CTNNA3: variants seen among roughly 807,000 people sequenced by gnomAD.
CTNNA3 encodes the protein catenin alpha 3, also known as catenin alpha-3.
A neutral mutation model predicts 95.7 loss-of-function variants in CTNNA3; 76 were observed. That is an observed-to-expected ratio of 0.79 (90% CI 0.66 to 0.96). The LOEUF (loss-of-function observed/expected upper bound fraction) is 0.96, where lower values mean the gene tolerates loss of function less well. CTNNA3 is among the 40% of genes least tolerant of loss of function. CTNNA3 has a pLI of 0.00. For synonymous variants in CTNNA3, 431 were observed against 374.4 expected (o/e 1.15, Z -1.74); for missense variants, 1,191 against 1,089.8 (o/e 1.09, Z -1.31).
chr10:66,992,438 T>A (rs963499605), intron 7 of CTNNA3, among the ~76,000 whole-genome samples: 2 of 152,072 alleles, frequency 1.3e-5, no homozygotes, highest in African/African-American at 4.8e-5. Flanking sequence ...CTTCTTCTTG[T>A]TCCTAGGAGT....
At chr10:67,086,886 T>C (rs1857342700) in intron 7 of CTNNA3, among the ~76,000 whole-genome samples, 1 of 152,014 alleles carries the variant, frequency 6.6e-6, no homozygotes, top group Admixed American at 6.6e-5. Context: ...ACCAAAAACA[T>C]TAACTGATGT....
At chr10:66,230,302 T>G (rs2089523590) in intron 13 of CTNNA3, among the ~76,000 whole-genome samples, 1 of 152,228 alleles carries the variant, frequency 6.6e-6, no homozygotes, top group African/African-American at 2.4e-5. Flanking sequence ...TTTAAGATCT[T>G]GTAGGACAGT....
At chr10:66,702,454 T>C (rs1324868017) in intron 9 of CTNNA3, among the ~76,000 whole-genome samples, 1 of 152,042 alleles carries the variant, frequency 6.6e-6, no homozygotes, top group Non-Finnish European at 1.5e-5. Flanking sequence ...AAGTCTCCCT[T>C]TGGGATTACA....
chr10:67,199,729 C>G lies in CTNNA3; in HGVS notation c.844-19209G>C, dbSNP rs191907761. ...CTTTACAATATTCACATAGCTTTGG[C>G]AAATGGGATGCAAAACAACATTCAG... is the stretch of plus-strand genomic sequence containing the variant. On this transcript the variant is annotated intron_variant, in intron 6 of 17. Transcript: ENST00000433211. 6.7e-4 allele frequency among the ~76,000 whole-genome samples: 102 copies of G among 152,120 alleles called. No homozygotes were observed. The East Asian group carries it at 0.013, about 19-fold the overall frequency.
intron 9 of CTNNA3, among the ~76,000 whole-genome samples, chr10:66,751,445 G>T (rs182061145): frequency 9.3e-4 from 142 of 152,236 alleles, no homozygotes; most frequent in Admixed American, 3.8e-3. Flanking sequence ...TACAAACGAA[G>T]ACAGTTTTAT....
chr10:66,305,570 A>C (rs765922324), intron 12 of CTNNA3, among the ~76,000 whole-genome samples: 2 of 152,222 alleles, frequency 1.3e-5, no homozygotes, highest in Non-Finnish European at 2.9e-5. Flanking sequence ...ATATGATTTT[A>C]AATTCTGATG....
chr10:67,704,851 T>C (rs1220297938), intron 1 of CTNNA3, among the ~76,000 whole-genome samples: 1 of 151,950 alleles, frequency 6.6e-6, no homozygotes, highest in Non-Finnish European at 1.5e-5. Flanking sequence ...ACCTACAAAA[T>C]GGGAGAAAAT....
chr10:67,379,902 T>G (rs1290256867), intron 5 of CTNNA3, among the ~76,000 whole-genome samples: 2 of 149,894 alleles, frequency 1.3e-5, no homozygotes, highest in Non-Finnish European at 3.0e-5. Context: ...GCGCCTGTAG[T>G]CCCAGCTACT....
At chr10:66,322,069 C>T (rs1452885771) in intron 12 of CTNNA3, among the ~76,000 whole-genome samples, 1 of 151,990 alleles carries the variant, frequency 6.6e-6, no homozygotes, top group Non-Finnish European at 1.5e-5. Flanking sequence ...TAGATAGGGC[C>T]CAGAACACAC....
intron 7 of CTNNA3, among the ~76,000 whole-genome samples, chr10:67,125,376 A>G (rs1452395510): frequency 6.6e-6 from 1 of 152,170 alleles, no homozygotes; most frequent in Non-Finnish European, 1.5e-5. Context: ...AAAATACGTT[A>G]TTCCCCCAAA....
intron 7 of CTNNA3, among the ~76,000 whole-genome samples, chr10:67,041,083 G>A (rs1483284538): frequency 6.6e-6 from 1 of 152,108 alleles, no homozygotes; most frequent in African/African-American, 2.4e-5. Context: ...AATAAGATTA[G>A]TGTTATTTGG....
At chr10:66,270,306 G>A (rs2091252607) in intron 13 of CTNNA3, among the ~76,000 whole-genome samples, 1 of 151,908 alleles carries the variant, frequency 6.6e-6, no homozygotes, top group Admixed American at 6.6e-5. Context: ...CCAGGGTCAA[G>A]CCATCCTCCT....
intron 7 of CTNNA3, among the ~76,000 whole-genome samples, chr10:66,823,389 TA>T (rs72085518): frequency 0.062 from 9,463 of 151,996 alleles, 382 homozygotes; most frequent in African/African-American, 0.12. Flanking sequence ...TTATGTGAAT[TA>T]AAAAAAAATT....
At chr10:66,262,706 C>T (rs993350279) in intron 13 of CTNNA3, among the ~76,000 whole-genome samples, 1 of 151,780 alleles carries the variant, frequency 6.6e-6, no homozygotes, top group Non-Finnish European at 1.5e-5. Context: ...AAAATCTGAG[C>T]TAGAGGGGTA....
At chr10:66,905,425 C>T (rs1246803474) in intron 7 of CTNNA3, among the ~76,000 whole-genome samples, 5 of 152,024 alleles carry the variant, frequency 3.3e-5, no homozygotes, top group Non-Finnish European at 5.9e-5. Flanking sequence ...ATGTAAATGA[C>T]GAGTTGATGG....
rs1589146969 is a variant in CTNNA3, at chr10:66,365,994, C to A, written c.1732+13158G>T. On this transcript the variant is annotated intron_variant, in intron 12 of 17. Transcript: ENST00000433211. ...CACAGGAGACCCTGACCAACACCAC[C>A]TAGCTTAGCTGCTCCCAGGTTCATG... Among the ~76,000 whole-genome samples, 8 of 152,154 alleles carry A rather than the reference C, an allele frequency of 5.3e-5. No individual in the cohort carries two copies. The South Asian group carries it at 1.7e-3, about 32-fold the overall frequency.
intron 12 of CTNNA3, among the ~76,000 whole-genome samples, chr10:66,281,065 A>G (rs917768391): frequency 6.6e-6 from 1 of 152,074 alleles, no homozygotes; most frequent in East Asian, 1.9e-4. Context: ...GAGTTGCTAA[A>G]CAGAAGAAAA....
intron 5 of CTNNA3, among the ~76,000 whole-genome samples, chr10:67,345,867 GTTGT>G (rs1456568766): frequency 1.3e-5 from 2 of 151,968 alleles, no homozygotes; most frequent in African/African-American, 4.8e-5. Context: ...CTGCCATTTT[GTTGT>G]TTGTTTTCTA....
chr10:66,119,174 T>C (rs74641672), intron 13 of CTNNA3, among the ~76,000 whole-genome samples: 4,075 of 152,314 alleles, frequency 0.027, 80 homozygotes, highest in South Asian at 0.041. Flanking sequence ...AAGTACAGTA[T>C]GCTAGGTATG....
Sources: gnomAD v4.1 joint callset for allele counts (sites outside exome capture counted in the v4.1 genomes callset) on GRCh38, gnomAD v4.1.1 for gene constraint, MANE v1.5 for transcripts, NCBI Gene and HGNC (gene_info 2026-07-23, HGNC 2026-07-21) for gene names.